LDHC: variants seen among roughly 807,000 people sequenced by gnomAD.
The protein encoded by LDHC is lactate dehydrogenase C, also known as L-lactate dehydrogenase C chain.
In LDHC, 20 loss-of-function variants were observed where a neutral mutation model predicts 30.2. That is an observed-to-expected ratio of 0.66 (90% confidence interval 0.47 to 0.96). The LOEUF is 0.96. Ranked by LOEUF, LDHC falls within the 40% of genes least tolerant of loss-of-function variation. The pLI is 0.00. For synonymous variants in LDHC, 139 were observed against 132.7 expected, an observed-to-expected ratio of 1.05 and a Z score of -0.32; for missense variants, 362 against 394.9, an observed-to-expected ratio of 0.92 and a Z score of 0.71.
At chr11:18,431,761 G>C (rs1464357970) in intron 4 of LDHC, among the ~76,000 whole-genome samples, 1 of 152,080 alleles carries the variant, frequency 6.6e-6, no homozygotes, top group East Asian at 1.9e-4. Flanking sequence ...ATGTTGGCCA[G>C]GCTGGTCTCA....
intron 3 of LDHC, among the ~76,000 whole-genome samples, chr11:18,416,524 T>A (rs1867025555): frequency 6.6e-6 from 1 of 152,238 alleles, no homozygotes; most frequent in African/African-American, 2.4e-5. Context: ...AATTTAAACA[T>A]GCTTCTTAGA....
Position 18,438,092 on chromosome 11 carries a change from A to T in LDHC, c.593-436A>T, listed in dbSNP as rs191763590. Among the ~76,000 whole-genome samples, 14 of 152,280 alleles carry T rather than the reference A, an allele frequency of 9.2e-5. No individual in the cohort carries two copies. In the East Asian group the frequency reaches 1.5e-3, roughly 17 times the overall value. ...AAATACCTGAGGCTGAGTAATTTAT[A>T]AAGAAAAGGGGTTTAATTTAGCTTG... On this transcript the variant is annotated intron_variant, in intron 5 of 7. Transcript: ENST00000541669.
chr11:18,444,248 T>C (rs1241282063), intron 6 of LDHC, among the ~76,000 whole-genome samples: 1 of 152,198 alleles, frequency 6.6e-6, no homozygotes, highest in Non-Finnish European at 1.5e-5. Flanking sequence ...TAAAGGATTA[T>C]GTTTTTAGCT....
intron 6 of LDHC, 94 bp downstream of exon 6, chr11:18,438,739 G>A: frequency 1.6e-6 from 1 of 643,378 alleles, no homozygotes; most frequent in Non-Finnish European, 2.8e-6. Context: ...CTTGCTTTTT[G>A]TGAGATAAAT....
intron 4 of LDHC, among the ~76,000 whole-genome samples, chr11:18,430,883 G>T (rs141437469): frequency 2.0e-5 from 3 of 152,182 alleles, no homozygotes; most frequent in East Asian, 1.9e-4. Flanking sequence ...TACCAAACAG[G>T]TTGGGCATTG....
rs60764598 is a variant in LDHC at position 18,444,604 on chromosome 11, GTATATATATATATATATATATATATA to G, written c.711-1586_711-1561del. Among the ~76,000 whole-genome samples the G allele has an allele frequency of 8.5e-3, 759 of 89,370 alleles. 23 individuals carry two copies. The highest frequency in any genetic ancestry group is 0.031 in the Admixed American group (227 of 7,400). The allele number at this position is 89,370 out of a possible 152,430, so 58.6% of individuals were successfully genotyped here. A position where few individuals can be genotyped will look rare whatever the true frequency, so the allele number is the denominator to read the frequency against. On this transcript the variant is annotated intron_variant, in intron 6 of 7. Transcript: ENST00000541669. ...AGGCCCAACCTGCTGTGTTCAGGTGGTATATATATATATATATATATATATATATATATATATATATATATGCCTTA... is the reference window on the plus strand; with the variant it reads ...AGGCCCAACCTGCTGTGTTCAGGTGGTATATATATATATATATATGCCTTA...
chr11:18,436,520 C>G (rs1200001369), intron 5 of LDHC, among the ~76,000 whole-genome samples: 2 of 111,224 alleles, frequency 1.8e-5, no homozygotes, highest in Non-Finnish European at 3.4e-5. Flanking sequence ...GAGTTTCGCT[C>G]TTGTTGCCCA....
intron 7 of LDHC, among the ~76,000 whole-genome samples, chr11:18,449,468 A>C (rs1848617639): frequency 7.6e-6 from 1 of 132,034 alleles, no homozygotes; most frequent in Non-Finnish European, 1.6e-5. Flanking sequence ...AAAAGAGGAT[A>C]GGGAAGTGAA....
At chr11:18,430,599 C>T (rs79199586) in intron 4 of LDHC, among the ~76,000 whole-genome samples, 14,880 of 152,144 alleles carry the variant, frequency 0.098, 912 homozygotes, top group Middle Eastern at 0.18. Flanking sequence ...TAAGCTCAGG[C>T]AGTCTACTCG....
At chr11:18,431,277 G>A (rs1848260631) in intron 4 of LDHC, among the ~76,000 whole-genome samples, 2 of 151,876 alleles carry the variant, frequency 1.3e-5, no homozygotes, top group East Asian at 1.9e-4. Flanking sequence ...CCTGGCCAAC[G>A]TAGTGAAACC....
At chr11:18,433,818 G>A (rs1237571443) in intron 4 of LDHC, among the ~76,000 whole-genome samples, 1 of 152,166 alleles carries the variant, frequency 6.6e-6, no homozygotes, top group Non-Finnish European at 1.5e-5. Context: ...TGTCCTTTGT[G>A]CTTCTTGTAT....
At chr11:18,442,192 C>T (rs750988079) in intron 6 of LDHC, among the ~76,000 whole-genome samples, 3 of 152,024 alleles carry the variant, frequency 2.0e-5, no homozygotes, top group African/African-American at 4.8e-5. Flanking sequence ...ATGCACAAAT[C>T]AATGGTTTCA....
chr11:18,422,553 CAA>C (rs113941173), intron 3 of LDHC, among the ~76,000 whole-genome samples: 4 of 115,330 alleles, frequency 3.5e-5, no homozygotes, highest in Admixed American at 9.0e-5. Flanking sequence ...GACTCCATCT[CAA>C]AAAAAAAAAA....
chr11:18,435,406 A>AC (rs1590231409), intron 5 of LDHC, among the ~76,000 whole-genome samples: 1 of 149,728 alleles, frequency 6.7e-6, no homozygotes. Flanking sequence ...AGTGTGTGGC[A>AC]CCCCCCTCCC....
intron 5 of LDHC, 121 bp downstream of exon 5, chr11:18,435,034 C>T (rs936499703): frequency 6.8e-6 from 4 of 584,608 alleles, no homozygotes; most frequent in Non-Finnish European, 1.1e-5. Context: ...TTTGGTATTT[C>T]CCTGGTGTAA....
At chr11:18,421,062 ATT>A (rs756304398) in intron 3 of LDHC, among the ~76,000 whole-genome samples, 1 of 151,916 alleles carries the variant, frequency 6.6e-6, no homozygotes, top group Non-Finnish European at 1.5e-5. Context: ...TTTATATTTT[ATT>A]TTTATTTTGA....
intron 6 of LDHC, among the ~76,000 whole-genome samples, chr11:18,439,822 A>AC (rs1848428113): frequency 7.0e-6 from 1 of 143,218 alleles, no homozygotes; most frequent in Non-Finnish European, 1.5e-5. Context: ...AAAAAAAAAA[A>AC]AAAAAAAAAA....
intron 3 of LDHC, among the ~76,000 whole-genome samples, chr11:18,420,096 A>ACAG (rs1867091228): frequency 6.8e-6 from 1 of 148,084 alleles, no homozygotes; most frequent in African/African-American, 2.6e-5. Context: ...CCGTCTTAGA[A>ACAG]CAACAACAAC....
intron 2 of LDHC, among the ~76,000 whole-genome samples, chr11:18,413,459 C>CT (rs34176196): frequency 0.011 from 884 of 76,922 alleles, 20 homozygotes; most frequent in East Asian, 0.058. Context: ...ATTGTTCTCT[C>CT]TTTTTTTTTT....
Sources: allele counts gnomAD v4.1 joint callset (sites outside exome capture counted in the v4.1 genomes callset), GRCh38; gene constraint gnomAD v4.1.1; transcripts MANE v1.5; gene names NCBI Gene and HGNC (gene_info 2026-07-23, HGNC 2026-07-21).